DMD: variants seen among roughly 807,000 people sequenced by gnomAD.
DMD encodes the protein mutant dystrophin.
Under a neutral mutation model 330.1 loss-of-function variants are expected in DMD, and 63 were observed. The observed-to-expected ratio is 0.19, with a 90% CI of 0.16 to 0.24. The LOEUF (loss-of-function observed/expected upper bound fraction) is 0.24, where lower values mean the gene tolerates loss of function less well. DMD is among the 10% of genes least tolerant of loss of function. DMD has a pLI of 1.00. For missense variants in DMD, 3,344 were observed against 2,684.1 expected (o/e 1.25, Z -5.43); for synonymous variants, 1,223 against 959.8 (o/e 1.27, Z -5.07).
intron 19 of DMD, among the ~76,000 whole-genome samples, chrX:32,492,300 T>A (rs1230177570): frequency 2.7e-5 from 3 of 112,507 alleles, no homozygotes; most frequent in African/African-American, 9.7e-5. Context: ...ATCGCGCCAC[T>A]GCACTCCAGC....
At chrX:32,630,797 A>C (rs2058682203) in intron 11 of DMD, among the ~76,000 whole-genome samples, 1 of 112,012 alleles carries the variant, frequency 8.9e-6, no homozygotes, top group East Asian at 2.8e-4. Flanking sequence ...GAAAGGTCAC[A>C]TATCTGTCTC....
intron 43 of DMD, among the ~76,000 whole-genome samples, chrX:32,262,647 C>T (rs1317252592): frequency 1.8e-5 from 2 of 110,482 alleles, no homozygotes; most frequent in Non-Finnish European, 3.8e-5. Flanking sequence ...CTGTGGTGTG[C>T]CACCGAGATT....
intron 1 of DMD, among the ~76,000 whole-genome samples, chrX:33,284,733 CT>C (rs113552145): frequency 0.66 from 36,842 of 56,200 alleles, 12,205 homozygotes; most frequent in African/African-American, 0.91. Context: ...TAAAAATCAT[CT>C]TTTTTTTTTT....
chrX:31,348,655 A>G, intron 60 of DMD, 21 bp from the exon 61 acceptor site: 1 of 1,159,954 alleles, frequency 8.6e-7, no homozygotes. Context: ...AAGGAGAGAA[A>G]TGATGTTCTC....
intron 1 of DMD, among the ~76,000 whole-genome samples, chrX:33,055,695 T>TTAATGA (rs2094508988): frequency 9.0e-6 from 1 of 111,505 alleles, no homozygotes; most frequent in Non-Finnish European, 1.9e-5. Context: ...CTCATGGAAA[T>TTAATGA]TAATGAATTT....
intron 29 of DMD, among the ~76,000 whole-genome samples, chrX:32,428,780 T>C (rs1358813204): frequency 1.8e-5 from 2 of 110,709 alleles, no homozygotes; most frequent in Non-Finnish European, 3.8e-5. Context: ...GCTGGTTAAT[T>C]TTTGTATTTT....
At chrX:32,473,510 G>T (rs1165123400) in intron 21 of DMD, among the ~76,000 whole-genome samples, 4 of 111,255 alleles carry the variant, frequency 3.6e-5, no homozygotes, top group African/African-American at 1.3e-4. Context: ...TATTTTAATT[G>T]CTGGGATATG....
intron 51 of DMD, among the ~76,000 whole-genome samples, chrX:31,742,823 A>G (rs2087471507): frequency 1.8e-5 from 2 of 112,236 alleles, no homozygotes. Context: ...AAGCAATTAT[A>G]ACAAAACCAA....
intron 55 of DMD, among the ~76,000 whole-genome samples, chrX:31,587,207 C>T (rs2076651250): frequency 9.0e-6 from 1 of 110,696 alleles, no homozygotes; most frequent in South Asian, 3.8e-4. Context: ...ATCAGTTGTT[C>T]GAAGGAAACA....
chrX:31,270,543 G>T (rs1403769556), intron 62 of DMD, among the ~76,000 whole-genome samples: 2 of 112,243 alleles, frequency 1.8e-5, no homozygotes, highest in African/African-American at 6.5e-5. Flanking sequence ...AGGGTAAAAA[G>T]GATGCAACCA....
At chrX:33,082,622 T>A (rs1213528566) in intron 1 of DMD, among the ~76,000 whole-genome samples, 1 of 112,337 alleles carries the variant, frequency 8.9e-6, no homozygotes, top group Non-Finnish European at 1.9e-5. Flanking sequence ...AGAAGCCAGT[T>A]TCAGGCTTGC....
intron 7 of DMD, among the ~76,000 whole-genome samples, chrX:32,804,701 G>A (rs1261556822): frequency 7.1e-5 from 8 of 112,177 alleles, no homozygotes; most frequent in South Asian, 7.4e-4. Flanking sequence ...AGCAGGGGTC[G>A]ACAGACACAT....
chrX:32,323,439 A>T (rs1367561520), intron 41 of DMD, among the ~76,000 whole-genome samples: 9 of 111,909 alleles, frequency 8.0e-5, no homozygotes, highest in Non-Finnish European at 1.7e-4. Flanking sequence ...TGATAGTGTA[A>T]TTTAAGTAAT....
intron 4 of DMD, among the ~76,000 whole-genome samples, chrX:32,832,739 G>A (rs1363446878): frequency 9.0e-6 from 1 of 111,413 alleles, no homozygotes; most frequent in Non-Finnish European, 1.9e-5. Context: ...CAAGACTTAT[G>A]GGCATAAATC....
At chrX:31,772,636 T>C (rs1244217584) in intron 51 of DMD, among the ~76,000 whole-genome samples, 2 of 111,052 alleles carry the variant, frequency 1.8e-5, no homozygotes, top group Non-Finnish European at 3.8e-5. Context: ...TATTACTTGC[T>C]ACGTATACTC....
chrX:33,325,130 T>C (rs762015814), intron 1 of DMD, among the ~76,000 whole-genome samples: 2 of 111,982 alleles, frequency 1.8e-5, no homozygotes, highest in East Asian at 5.6e-4. Flanking sequence ...CTGTCAGGCT[T>C]GATGTGTCTT....
At chrX:31,911,583 A>G (rs912012067) in intron 47 of DMD, among the ~76,000 whole-genome samples, 1 of 111,644 alleles carries the variant, frequency 9.0e-6, no homozygotes, top group African/African-American at 3.3e-5. Context: ...TTAGACAAAA[A>G]GCAAATTCGA....
chrX:32,801,043 A>T (rs1473982955), intron 7 of DMD, among the ~76,000 whole-genome samples: 1 of 111,717 alleles, frequency 9.0e-6, no homozygotes, highest in African/African-American at 3.3e-5. Flanking sequence ...GTATATACCC[A>T]GTGATGGGAT....
At chrX:32,631,826 C>A (rs149677254) in intron 11 of DMD, among the ~76,000 whole-genome samples, 3 of 111,362 alleles carry the variant, frequency 2.7e-5, no homozygotes, top group African/African-American at 9.8e-5. Flanking sequence ...CCCACCCAGG[C>A]CCCACCTCTG....
Sources: gnomAD v4.1 joint callset for allele counts (sites outside exome capture counted in the v4.1 genomes callset) on GRCh38, gnomAD v4.1.1 for gene constraint, MANE v1.5 for transcripts, NCBI Gene and HGNC (gene_info 2026-07-23, HGNC 2026-07-21) for gene names.